The following CAPSL variants were observed in gnomAD, a reference collection of about 807,000 sequenced individuals.
The protein encoded by CAPSL is calcyphosine like, also known as calcyphosin-like protein.
CAPSL carries 17 observed loss-of-function variants against 21.3 expected under a neutral mutation model. That is an observed-to-expected ratio of 0.80 (90% CI 0.55 to 1.20). The LOEUF (loss-of-function observed/expected upper bound fraction) is 1.20. Among genes scored for constraint, CAPSL ranks in the 50% most tolerant of loss-of-function variants. CAPSL has a pLI of 0.00. For missense variants in CAPSL, 289 were observed against 259.3 expected (o/e 1.11, Z -0.79); for synonymous variants, 102 against 89.3 (o/e 1.14, Z -0.80).
chr5:35,920,283 A>T (rs554977463), intron 2 of CAPSL, among the ~76,000 whole-genome samples: 2 of 152,250 alleles, frequency 1.3e-5, no homozygotes, highest in South Asian at 4.1e-4. Context: ...TATTGTCCAT[A>T]GTCTTAGTCC....
At chr5:35,917,550 G>C (rs935591647) in intron 2 of CAPSL, among the ~76,000 whole-genome samples, 3 of 152,100 alleles carry the variant, frequency 2.0e-5, no homozygotes, top group Non-Finnish European at 4.4e-5. Context: ...AAAATGATGA[G>C]TTCATGTCCT....
chr5:35,914,913 A>T (rs539205553), intron 2 of CAPSL, among the ~76,000 whole-genome samples: 52 of 152,362 alleles, frequency 3.4e-4, no homozygotes, highest in Middle Eastern at 3.4e-3. Context: ...AAATCATTAA[A>T]TCCAGGAGCT....
At chr5:35,916,103 C>T (rs1431084594) in intron 2 of CAPSL, among the ~76,000 whole-genome samples, 1 of 152,084 alleles carries the variant, frequency 6.6e-6, no homozygotes. Context: ...TGAGTGAACT[C>T]CCATTCACAA....
chr5:35,909,858 T>C lies in CAPSL; in HGVS notation c.525+8A>G, dbSNP rs1738165420. ...GAAATTTCCCCTAGATTAGGCTCTT[T>C]TACTTACCAATCCATCTTTGTCATA... On this transcript the variant is annotated splice_region_variant and intron_variant, in intron 4 of 4. Transcript: ENST00000651391. 1 of 1,604,400 alleles carries C rather than the reference T, an allele frequency of 6.2e-7. No homozygotes were observed. Among genetic ancestry groups the C allele is most frequent in the Non-Finnish European group, 8.5e-7 (1 of 1,177,028 alleles).
In CAPSL at chr5:35,910,253, A is replaced by G. The variant is rs552359343; in HGVS notation, c.315+113T>C. 1.0e-4 allele frequency: 129 copies of G among 1,245,364 alleles called. 2 individuals carry two copies. In the South Asian group the frequency reaches 1.4e-3, roughly 13 times the overall value. The allele number at this position is 1,245,364 out of a possible 1,614,324, so 77.1% of individuals were successfully genotyped here. Reference sequence around the variant, plus strand: ...TAAGTCTGTTCACAGTTTTCTGCTTATCCCCCTCCCCACAGTGTACTAACA... The same window carrying G: ...TAAGTCTGTTCACAGTTTTCTGCTTGTCCCCCTCCCCACAGTGTACTAACA... On this transcript the variant is annotated intron_variant, in intron 3 of 4. Transcript: ENST00000651391.
At chr5:35,930,426 A>T (rs554589226) in intron 1 of CAPSL, among the ~76,000 whole-genome samples, 1 of 152,210 alleles carries the variant, frequency 6.6e-6, no homozygotes, top group African/African-American at 2.4e-5. Flanking sequence ...TACTTCATAC[A>T]TATTCATATT....
At chr5:35,931,968 T>G (rs951125920) in intron 1 of CAPSL, among the ~76,000 whole-genome samples, 1 of 152,234 alleles carries the variant, frequency 6.6e-6, no homozygotes, top group Non-Finnish European at 1.5e-5. Flanking sequence ...GGTGGACATT[T>G]GCCCTTTTGC....
intron 1 of CAPSL, among the ~76,000 whole-genome samples, chr5:35,933,683 G>A (rs1738875191): frequency 6.6e-6 from 1 of 152,144 alleles, no homozygotes; most frequent in Admixed American, 6.5e-5. Flanking sequence ...CCAAGCTAGA[G>A]GGGTAACTGC....
At chr5:35,921,157 C>A (rs775862681) in intron 1 of CAPSL, 37 bp from the exon 2 acceptor site, 3 of 1,605,636 alleles carry the variant, frequency 1.9e-6, no homozygotes, top group African/African-American at 1.3e-5. Flanking sequence ...AAAGTCCAGG[C>A]CTCGCCGCTG....
intron 2 of CAPSL, among the ~76,000 whole-genome samples, chr5:35,919,500 T>C (rs1738480871): frequency 6.6e-6 from 1 of 152,138 alleles, no homozygotes; most frequent in Non-Finnish European, 1.5e-5. Context: ...GGTGGAAAGA[T>C]GGTGCCGGGA....
At chr5:35,921,859 G>A (rs558103132) in intron 1 of CAPSL, among the ~76,000 whole-genome samples, 23 of 148,440 alleles carry the variant, frequency 1.5e-4, no homozygotes, top group African/African-American at 5.7e-4. Flanking sequence ...ACCTGCCTGT[G>A]AGTGAATCTC....
intron 4 of CAPSL, among the ~76,000 whole-genome samples, chr5:35,905,116 G>A (rs113758146): frequency 3.0e-4 from 45 of 152,180 alleles, no homozygotes; most frequent in African/African-American, 9.4e-4. Flanking sequence ...AAACGCTCCC[G>A]GGTTGCATGC....
intron 1 of CAPSL, 71 bp from the exon 2 acceptor site, chr5:35,921,191 A>C: frequency 6.5e-7 from 1 of 1,540,938 alleles, no homozygotes; most frequent in African/African-American, 1.4e-5. Context: ...AGAGTGACAG[A>C]AGCCTCACTG....
chr5:35,917,687 A>T (rs1738428788), intron 2 of CAPSL, among the ~76,000 whole-genome samples: 1 of 152,172 alleles, frequency 6.6e-6, no homozygotes, highest in Non-Finnish European at 1.5e-5. Flanking sequence ...GGACACAGGA[A>T]GGGGAACATC....
At chr5:35,912,460 C>A (rs1018462081) in intron 2 of CAPSL, among the ~76,000 whole-genome samples, 1 of 152,160 alleles carries the variant, frequency 6.6e-6, no homozygotes, top group African/African-American at 2.4e-5. Flanking sequence ...AGGCACCCCC[C>A]AGTAGGGGCA....
At chr5:35,915,384 A>G (rs1245165507) in intron 2 of CAPSL, among the ~76,000 whole-genome samples, 1 of 152,214 alleles carries the variant, frequency 6.6e-6, no homozygotes, top group Admixed American at 6.5e-5. Flanking sequence ...TCCTGATACC[A>G]CAGCCGGACA....
intron 2 of CAPSL, among the ~76,000 whole-genome samples, chr5:35,916,371 T>C (rs1159807876): frequency 2.0e-5 from 3 of 152,142 alleles, no homozygotes; most frequent in Non-Finnish European, 1.5e-5. Context: ...TACTTTAAAG[T>C]TCATATGGAA....
At chr5:35,926,015 A>G (rs1284878700) in intron 1 of CAPSL, among the ~76,000 whole-genome samples, 1 of 148,746 alleles carries the variant, frequency 6.7e-6, no homozygotes, top group Non-Finnish European at 1.5e-5. Flanking sequence ...GACGGTGGTT[A>G]CAGTGAGCCA....
chr5:35,929,016 T>G (rs1738753604), intron 1 of CAPSL, among the ~76,000 whole-genome samples: 1 of 152,082 alleles, frequency 6.6e-6, no homozygotes. Flanking sequence ...CACCCTCTAG[T>G]AAGAGGAGTA....
Sources: allele counts gnomAD v4.1 joint callset (sites outside exome capture counted in the v4.1 genomes callset), GRCh38; gene constraint gnomAD v4.1.1; transcripts MANE v1.5; gene names NCBI Gene and HGNC (gene_info 2026-07-23, HGNC 2026-07-21).